Variants in GRHL2 observed in about 807,000 individuals in gnomAD.
The protein encoded by GRHL2 is grainyhead like transcription factor 2.
Under a neutral mutation model 83.8 loss-of-function variants are expected in GRHL2, and 21 were observed. The ratio of observed to expected loss-of-function variants is 0.25; its 90% confidence interval spans 0.18 to 0.36. The LOEUF (loss-of-function observed/expected upper bound fraction) is 0.36. Among genes scored for constraint, GRHL2 ranks in the 10% least tolerant of loss-of-function variants. The pLI, the probability that GRHL2 is intolerant of heterozygous loss-of-function variation, is 1.00. For missense variants in GRHL2, 623 were observed against 781.8 expected, an observed-to-expected ratio of 0.80 and a Z score of 2.42; for synonymous variants, 280 against 278.9, an observed-to-expected ratio of 1.00 and a Z score of -0.04.
chr8:101,662,453 C>G (rs1563632648), intron 14 of GRHL2, among the ~76,000 whole-genome samples: 1 of 152,204 alleles, frequency 6.6e-6, no homozygotes, highest in Non-Finnish European at 1.5e-5. Flanking sequence ...ATCTGTGAGT[C>G]TCTGTAGAGT....
intron 1 of GRHL2, among the ~76,000 whole-genome samples, chr8:101,529,860 T>C (rs910004400): frequency 6.6e-6 from 1 of 152,136 alleles, no homozygotes; most frequent in Non-Finnish European, 1.5e-5. Context: ...CCTTTGTATA[T>C]ATACAAGTGA....
chr8:101,676,505 A>C, the GRHL2 span, among the ~76,000 whole-genome samples: 1 of 152,202 alleles, frequency 6.6e-6, no homozygotes, highest in Non-Finnish European at 1.5e-5. Context: ...TCAAAACCAC[A>C]ATGAGATACC....
In GRHL2 at chr8:101,606,837, A is replaced by G. The variant is rs138711786; in HGVS notation, c.1098+7686A>G. ...GCTTTCTGCTCCAGCAGCTGCTACT[A>G]GAGAGGAAAAATAACTCTATGTCCT... On this transcript the variant is annotated intron_variant, in intron 8 of 15. Coordinates refer to ENST00000646743, the MANE Select transcript of GRHL2 (RefSeq NM_024915.4). Among the ~76,000 whole-genome samples, 853 of 152,358 alleles carry G rather than the reference A, an allele frequency of 5.6e-3. 11 individuals carry two copies. The highest frequency in any genetic ancestry group is 0.019 in the African/African-American group (781 of 41,590).
intron 14 of GRHL2, among the ~76,000 whole-genome samples, chr8:101,663,960 G>T (rs902394592): frequency 2.0e-5 from 3 of 149,666 alleles, no homozygotes; most frequent in Non-Finnish European, 4.4e-5. Context: ...TTAACCTTTC[G>T]ACCTTTTTCT....
chr8:101,543,266 C>T lies in GRHL2; in HGVS notation c.46C>T (p.Pro16Ser), dbSNP rs2130122090. ...TAATAAAAGACTAGTGGCCTTAGTG[C>T]CCATGCCCAGTGACCCTCCATTCAA... ...DNNKRLVALV[P>S]MPSDPPFNTR... The change falls in exon 2 of 16, where the codon CCC (proline) becomes TCC (serine). Residue 16 changes from proline to serine, a missense_variant. Pro to Ser is a moderately conservative substitution (Grantham distance 74). Around this residue, in one of 8 missense-constraint regions of GRHL2, gnomAD observed 39 missense variants for 34.8 expected, o/e 1.12. Transcript: ENST00000646743. The T allele has an allele frequency of 1.2e-6, 2 of 1,613,942 alleles. No individual in the cohort carries two copies. Among genetic ancestry groups the T allele is most frequent in the African/African-American group, 1.3e-5 (1 of 75,034 alleles).
chr8:101,574,312 G>A (rs746675113), intron 6 of GRHL2, among the ~76,000 whole-genome samples: 10 of 152,290 alleles, frequency 6.6e-5, no homozygotes, highest in Middle Eastern at 6.8e-3. Context: ...TCCCCACCAG[G>A]AGTCACTTGG....
chr8:101,652,516 TGTGTGGTG>T (rs2129713034), intron 14 of GRHL2, among the ~76,000 whole-genome samples: 3 of 99,944 alleles, frequency 3.0e-5, no homozygotes, highest in South Asian at 3.8e-4. Flanking sequence ...GTGTGGTGTG[TGTGTGGTG>T]TGTGTGTGGT....
the GRHL2 span, among the ~76,000 whole-genome samples, chr8:101,677,082 T>G: frequency 5.3e-5 from 8 of 151,862 alleles, no homozygotes; most frequent in East Asian, 1.9e-4. Flanking sequence ...GAGGGGGGGA[T>G]AGATAGCATT....
chr8:101,666,691 C>T lies in GRHL2; in HGVS notation c.1866C>T (p.Leu622=). 6.2e-7 allele frequency: 1 copy of T among 1,608,598 alleles called. No homozygotes were observed. The highest frequency in any genetic ancestry group is 8.5e-7 in the Non-Finnish European group (1 of 1,174,986). Residue 622 remains leucine (L), a synonymous_variant, in exon 16 of 16, where the codon CTC becomes CTT. Coordinates refer to ENST00000646743, the MANE Select transcript of GRHL2 (RefSeq NM_024915.4). The part of the protein sequence containing the change: ...ESMVEGFKVT[L]MEI ...TGGTGGAGGGCTTCAAGGTCACGCT[C>T]ATGGAAATCTAGCCCTGGGTTTGGC...
intron 1 of GRHL2, among the ~76,000 whole-genome samples, chr8:101,528,452 G>T (rs1810851955): frequency 6.7e-6 from 1 of 149,960 alleles, no homozygotes. Context: ...TAACTAACAA[G>T]CAAAAAATCA....
chr8:101,603,131 G>C (rs767776985), intron 8 of GRHL2, among the ~76,000 whole-genome samples: 1 of 152,028 alleles, frequency 6.6e-6, no homozygotes, highest in Non-Finnish European at 1.5e-5. Flanking sequence ...CAACAAGCTG[G>C]ATAATACCAC....
intron 8 of GRHL2, among the ~76,000 whole-genome samples, chr8:101,606,709 GACTT>G (rs1434407484): frequency 1.3e-5 from 2 of 152,148 alleles, no homozygotes; most frequent in African/African-American, 2.4e-5. Flanking sequence ...CATATAGGCT[GACTT>G]ACTATTTCTA....
chr8:101,554,175 A>C (rs889503368), intron 3 of GRHL2, among the ~76,000 whole-genome samples: 3 of 152,222 alleles, frequency 2.0e-5, no homozygotes, highest in African/African-American at 4.8e-5. Context: ...TCCAGGGCGC[A>C]ACCCCAGCAG....
chr8:101,552,906 T>C (rs942112908), intron 3 of GRHL2, 124 bp downstream of exon 3: 41 of 924,928 alleles, frequency 4.4e-5, no homozygotes, highest in Non-Finnish European at 6.3e-5. Flanking sequence ...TATCTGTCTT[T>C]TGAGTCTGGA....
intron 7 of GRHL2, among the ~76,000 whole-genome samples, chr8:101,598,837 T>C (rs1812452364): frequency 6.6e-6 from 1 of 152,190 alleles, no homozygotes; most frequent in African/African-American, 2.4e-5. Context: ...GAACATTGGT[T>C]TGCTTAGTTT....
chr8:101,670,891 T>C (rs879833817), downstream of GRHL2, among the ~76,000 whole-genome samples: 2 of 152,180 alleles, frequency 1.3e-5, no homozygotes, highest in Middle Eastern at 3.2e-3. Flanking sequence ...GAGAGGCAAG[T>C]TAGACACAGT....
chr8:101,550,678 G>A (rs1008676805), intron 2 of GRHL2, among the ~76,000 whole-genome samples: 1 of 152,150 alleles, frequency 6.6e-6, no homozygotes, highest in African/African-American at 2.4e-5. Flanking sequence ...CATTCACACT[G>A]TTGTGCAAAC....
At chr8:101,603,936 A>T (rs893026836) in intron 8 of GRHL2, among the ~76,000 whole-genome samples, 8 of 146,268 alleles carry the variant, frequency 5.5e-5, no homozygotes, top group Admixed American at 4.3e-4. Context: ...TGAACTCCAG[A>T]TTCTAGCTAG....
rs1586186150 is a variant in GRHL2 at position 101,668,840 on chromosome 8, G to GACAC, written c.*2139_*2142dup. 6.6e-6 allele frequency: 1 copy of GACAC among 152,380 alleles called. No individual in the cohort carries two copies. Among genetic ancestry groups the GACAC allele is most frequent in the East Asian group, 1.9e-4 (1 of 5,188 alleles). The allele number at this position is 152,380 out of a possible 1,614,324, so 9.4% of individuals were successfully genotyped here. ...AAAAAGACAAAAGATTTGGCAGCCTGACACAGGCAACCTACCCCTCTCTCT... is the reference window on the plus strand; with the variant it reads ...AAAAAGACAAAAGATTTGGCAGCCTGACACACACAGGCAACCTACCCCTCTCTCT... On this transcript the variant is annotated 3_prime_UTR_variant, in exon 16 of 16. Transcript: ENST00000646743.
Sources: gnomAD v4.1 joint callset for allele counts (sites outside exome capture counted in the v4.1 genomes callset) on GRCh38, gnomAD v4.1.1 for gene constraint, gnomAD v4.1.1 regional missense constraint, MANE v1.5 for transcripts, NCBI Gene and HGNC (gene_info 2026-07-23, HGNC 2026-07-21) for gene names.